Variants in ANKRD17 observed in about 807,000 individuals in gnomAD.
ANKRD17 encodes ankyrin repeat domain 17.
A neutral mutation model predicts 229.7 loss-of-function variants in ANKRD17; 19 were observed. The ratio of observed to expected loss-of-function variants is 0.08; its 90% CI spans 0.06 to 0.12. ANKRD17 has a LOEUF of 0.12. ANKRD17 is among the 10% of genes least tolerant of loss of function. The probability of loss-of-function intolerance (pLI) is 1.00; values close to 1 mark genes in which losing one functional copy is unlikely to be tolerated. For missense variants in ANKRD17, 2,176 were observed against 3,176.8 expected (o/e 0.68, Z 7.57); for synonymous variants, 1,112 against 1,146.1 (o/e 0.97, Z 0.60).
At chr4:73,207,308 G>T (rs1739601180) in intron 1 of ANKRD17, among the ~76,000 whole-genome samples, 1 of 151,462 alleles carries the variant, frequency 6.6e-6, no homozygotes, top group African/African-American at 2.4e-5. Context: ...AAAGATATAT[G>T]AAAAACAAAT....
At chr4:73,233,695 CA>C (rs1743263175) in intron 1 of ANKRD17, among the ~76,000 whole-genome samples, 1 of 152,108 alleles carries the variant, frequency 6.6e-6, no homozygotes, top group South Asian at 2.1e-4. Context: ...TATGTTCATA[CA>C]AAGTGCATCG....
chr4:73,115,446 A>G (rs1031105559), intron 23 of ANKRD17, among the ~76,000 whole-genome samples: 2 of 152,056 alleles, frequency 1.3e-5, no homozygotes, highest in African/African-American at 4.8e-5. Context: ...ACATGCCAAC[A>G]TGCCAGGCTA....
At chr4:73,094,331 C>T in intron 27 of ANKRD17, 103 bp from the exon 28 acceptor site, 1 of 1,096,380 alleles carries the variant, frequency 9.1e-7, no homozygotes, top group Non-Finnish European at 1.3e-6. Context: ...TCTATAAATA[C>T]AGAATATTGT....
At chr4:73,124,865 T>C (rs767097137) in intron 18 of ANKRD17, 48 bp downstream of exon 18, 6 of 1,590,004 alleles carry the variant, frequency 3.8e-6, no homozygotes, top group Non-Finnish European at 5.1e-6. Context: ...AAAGTACACA[T>C]TTGCTAAACA....
chr4:73,223,039 C>T, intron 1 of ANKRD17: 2 of 1,536,082 alleles, frequency 1.3e-6, no homozygotes, highest in Non-Finnish European at 1.7e-6. Flanking sequence ...TTTTATCAAA[C>T]TGCCATGTTT....
At chr4:73,195,598 T>C (rs1210033378) in intron 1 of ANKRD17, among the ~76,000 whole-genome samples, 2 of 151,974 alleles carry the variant, frequency 1.3e-5, no homozygotes, top group African/African-American at 4.8e-5. Context: ...AACCTCTGCC[T>C]CCCGGGTTCA....
rs570352142 is a variant in ANKRD17, at chr4:73,142,409, G to T, written c.2086-24C>A. 1.0e-4 allele frequency: 165 copies of T among 1,583,168 alleles called. No homozygotes were observed. In the South Asian group the frequency reaches 1.8e-3, roughly 18 times the overall value. On this transcript the variant is annotated intron_variant, in intron 12 of 33. Transcript: ENST00000358602. ...TCCTAAAAGAGTGAATATGGAAGGG[G>T]AAAAAAAGTGAAGAAAAATAAGTTA...
intron 28 of ANKRD17, among the ~76,000 whole-genome samples, chr4:73,093,856 C>T (rs1416463549): frequency 6.6e-6 from 1 of 152,190 alleles, no homozygotes; most frequent in Non-Finnish European, 1.5e-5. Context: ...CTTTGCTACA[C>T]ATGCATACAA....
At chr4:73,151,907 T>G (rs1196435474) in intron 6 of ANKRD17, among the ~76,000 whole-genome samples, 1 of 152,200 alleles carries the variant, frequency 6.6e-6, no homozygotes, top group Non-Finnish European at 1.5e-5. Flanking sequence ...TCAGTCAAGT[T>G]ATTTCTGTGA....
chr4:73,081,962 G>A (rs1027487459), intron 30 of ANKRD17, among the ~76,000 whole-genome samples: 1 of 151,778 alleles, frequency 6.6e-6, no homozygotes, highest in African/African-American at 2.4e-5. Flanking sequence ...GCTGGGCAAC[G>A]TGGTAAAACC....
At chr4:73,101,269 G>A (rs1375341139) in intron 25 of ANKRD17, 3 of 935,172 alleles carry the variant, frequency 3.2e-6, no homozygotes, top group East Asian at 1.2e-4. Flanking sequence ...TGAAGAAATC[G>A]ATGATCTGGA....
intron 7 of ANKRD17, among the ~76,000 whole-genome samples, chr4:73,151,068 C>T (rs975426972): frequency 3.3e-5 from 5 of 151,926 alleles, no homozygotes; most frequent in Admixed American, 3.3e-4. Context: ...GGTATGTTGG[C>T]CAGGCTGGTC....
intron 24 of ANKRD17, among the ~76,000 whole-genome samples, chr4:73,109,322 T>G (rs1725020552): frequency 6.6e-6 from 1 of 151,542 alleles, no homozygotes; most frequent in South Asian, 2.1e-4. Flanking sequence ...AAACTTTATC[T>G]AGTCACTGGT....
At chr4:73,211,306 G>T (rs895125512) in intron 1 of ANKRD17, among the ~76,000 whole-genome samples, 2 of 151,910 alleles carry the variant, frequency 1.3e-5, no homozygotes, top group Non-Finnish European at 2.9e-5. Flanking sequence ...AGACAACATG[G>T]GTAATAACAG....
chr4:73,117,312 TA>T (rs1726093690), intron 22 of ANKRD17, among the ~76,000 whole-genome samples: 1 of 152,186 alleles, frequency 6.6e-6, no homozygotes, highest in Admixed American at 6.5e-5. Flanking sequence ...TTCTCCACAT[TA>T]AGGATTCTAA....
intron 2 of ANKRD17, among the ~76,000 whole-genome samples, chr4:73,176,195 T>C (rs908292771): frequency 1.3e-5 from 2 of 152,066 alleles, no homozygotes; most frequent in African/African-American, 4.8e-5. Context: ...AATACACATA[T>C]GAAAAGGTAT....
chr4:73,181,119 T>A (rs1294926509), intron 1 of ANKRD17, among the ~76,000 whole-genome samples: 1 of 152,156 alleles, frequency 6.6e-6, no homozygotes, highest in Non-Finnish European at 1.5e-5. Context: ...AAAGGGGTAA[T>A]CACAATAAAT....
chr4:73,167,189 G>C (rs1733348294), intron 2 of ANKRD17, among the ~76,000 whole-genome samples: 1 of 152,112 alleles, frequency 6.6e-6, no homozygotes, highest in Non-Finnish European at 1.5e-5. Flanking sequence ...GAAGCTGGAT[G>C]ATGGATAAAC....
At chr4:73,133,136 G>A (rs1368892081) in intron 16 of ANKRD17, among the ~76,000 whole-genome samples, 1 of 151,904 alleles carries the variant, frequency 6.6e-6, no homozygotes, top group Non-Finnish European at 1.5e-5. Context: ...TGTAATCCCA[G>A]CTACTCAGGA....
Sources: gnomAD v4.1 joint callset for allele counts (sites outside exome capture counted in the v4.1 genomes callset) on GRCh38, gnomAD v4.1.1 for gene constraint, MANE v1.5 for transcripts, NCBI Gene and HGNC (gene_info 2026-07-23, HGNC 2026-07-21) for gene names.